The following LRP1B variants were observed in gnomAD, a reference collection of about 807,000 sequenced individuals.
LRP1B encodes low-density lipoprotein receptor-related protein 1B.
LRP1B carries 217 observed loss-of-function variants against 556.6 expected under a neutral mutation model. That is an observed-to-expected ratio of 0.39 (90% confidence interval 0.35 to 0.44). The LOEUF (loss-of-function observed/expected upper bound fraction) is 0.44, where lower values mean the gene tolerates loss of function less well. Among genes scored for constraint, LRP1B ranks in the 20% least tolerant of loss-of-function variants. The pLI is 1.00. For synonymous variants in LRP1B, 2,047 were observed against 1,865.8 expected, an observed-to-expected ratio of 1.10 and a Z score of -2.50; for missense variants, 5,053 against 5,620.8, an observed-to-expected ratio of 0.90 and a Z score of 3.23.
At chr2:141,567,612 ATGAGAAAT>A (rs1219731459) in intron 2 of LRP1B, among the ~76,000 whole-genome samples, 11 of 152,150 alleles carry the variant, frequency 7.2e-5, no homozygotes, top group African/African-American at 2.6e-4. Context: ...ATAAGAAAAG[ATGAGAAAT>A]TAGGTGATGA....
At chr2:140,638,743 T>G (rs910248905) in intron 41 of LRP1B, among the ~76,000 whole-genome samples, 2 of 151,944 alleles carry the variant, frequency 1.3e-5, no homozygotes, top group African/African-American at 4.8e-5. Flanking sequence ...TTATATGTAT[T>G]TGCATATATA....
At chr2:141,643,036 A>C (rs1201537068) in intron 2 of LRP1B, among the ~76,000 whole-genome samples, 7 of 152,146 alleles carry the variant, frequency 4.6e-5, no homozygotes, top group Non-Finnish European at 5.9e-5. Context: ...AATGTGATGA[A>C]AGAATACTGT....
intron 41 of LRP1B, among the ~76,000 whole-genome samples, chr2:140,620,654 G>T (rs1371419977): frequency 6.6e-6 from 1 of 151,900 alleles, no homozygotes; most frequent in Non-Finnish European, 1.5e-5. Flanking sequence ...TAAAGTAAGT[G>T]TAAAGATCTT....
chr2:141,629,224 G>A (rs1004838510), intron 2 of LRP1B, among the ~76,000 whole-genome samples: 15 of 152,216 alleles, frequency 9.9e-5, no homozygotes, highest in African/African-American at 3.6e-4. Flanking sequence ...TACTATAGTA[G>A]TCATTTCTAA....
At position 140,601,583 on chromosome 2, in the gene LRP1B, T is replaced by C. The variant is rs1176158717; in HGVS notation, c.6856A>G (p.Thr2286Ala). The change falls in exon 42 of 91, where the codon ACA becomes GCA. Residue 2286 changes from threonine (T) to alanine (A), a missense_variant. Thr to Ala is a moderately conservative substitution (Grantham distance 58, BLOSUM62 0). This residue lies in a region of LRP1B where 3,619 missense variants were observed against 3,931.9 expected (regional missense o/e 0.92). Coordinates refer to ENST00000389484, the MANE Select transcript of LRP1B (RefSeq NM_018557.3). ...YHRAWDTLYW[T>A]SSTTSSITRH... is the part of the protein sequence containing the mutation. ...GTGATGGATGAGGTGGTAGAGCTTG[T>C]CCAGTACAGTGTATCCCAGGCTCTG... The C allele has an allele frequency of 6.2e-7, 1 of 1,612,780 alleles. No homozygotes were observed. The highest frequency in any genetic ancestry group is 8.5e-7 in the Non-Finnish European group (1 of 1,179,208).
chr2:140,957,493 T>C (rs1695908676), intron 18 of LRP1B, among the ~76,000 whole-genome samples: 1 of 116,230 alleles, frequency 8.6e-6, no homozygotes, highest in Admixed American at 9.7e-5. Context: ...ACAATGAGAC[T>C]AAAAGAAGTG....
At chr2:141,052,947 C>A (rs979849351) in intron 10 of LRP1B, among the ~76,000 whole-genome samples, 3 of 151,990 alleles carry the variant, frequency 2.0e-5, no homozygotes, top group African/African-American at 7.2e-5. Context: ...CTTGTTGTTA[C>A]TTCTAATGGA....
intron 3 of LRP1B, among the ~76,000 whole-genome samples, chr2:141,380,731 G>A (rs1406312739): frequency 2.6e-5 from 4 of 152,226 alleles, no homozygotes; most frequent in Admixed American, 6.5e-5. Flanking sequence ...CCCGAGGAGA[G>A]AAGGAGCTGG....
intron 3 of LRP1B, among the ~76,000 whole-genome samples, chr2:141,434,045 C>T (rs1049033225): frequency 3.3e-5 from 5 of 151,608 alleles, no homozygotes; most frequent in Non-Finnish European, 7.4e-5. Flanking sequence ...TGGCTTTCAA[C>T]ATCATGACTG....
At chr2:141,999,564 A>G (rs1311439698) in intron 1 of LRP1B, among the ~76,000 whole-genome samples, 10 of 152,134 alleles carry the variant, frequency 6.6e-5, no homozygotes, top group Non-Finnish European at 1.5e-4. Flanking sequence ...GGCTTTAAGG[A>G]TAAAGCCACA....
chr2:141,357,044 T>TTTTTA (rs1262851377), intron 3 of LRP1B, among the ~76,000 whole-genome samples: 1 of 150,814 alleles, frequency 6.6e-6, no homozygotes, highest in African/African-American at 2.5e-5. Flanking sequence ...TTTTATTTTA[T>TTTTTA]TTTTATTTTA....
intron 4 of LRP1B, among the ~76,000 whole-genome samples, chr2:141,253,281 G>C (rs1021858191): frequency 6.6e-6 from 1 of 152,102 alleles, no homozygotes; most frequent in Non-Finnish European, 1.5e-5. Flanking sequence ...GAACTTTTGT[G>C]TGCAATTTTC....
At chr2:141,931,092 G>A (rs7597632) in intron 1 of LRP1B, among the ~76,000 whole-genome samples, 1 of 151,926 alleles carries the variant, frequency 6.6e-6, no homozygotes, top group South Asian at 2.1e-4. Context: ...AATATTATGT[G>A]TTAGAATACA....
At chr2:141,440,323 T>C (rs1371308230) in intron 3 of LRP1B, among the ~76,000 whole-genome samples, 1 of 152,234 alleles carries the variant, frequency 6.6e-6, no homozygotes, top group Admixed American at 6.5e-5. Flanking sequence ...TCCTGGAACC[T>C]CTGGAAGCCC....
chr2:140,624,957 G>C (rs528810102), intron 41 of LRP1B, among the ~76,000 whole-genome samples: 9 of 152,286 alleles, frequency 5.9e-5, no homozygotes, highest in Admixed American at 5.2e-4. Flanking sequence ...TCTGAAATGA[G>C]AATGTTTAGG....
At chr2:140,574,711 A>G (rs1681452671) in intron 43 of LRP1B, among the ~76,000 whole-genome samples, 1 of 152,184 alleles carries the variant, frequency 6.6e-6, no homozygotes, top group Non-Finnish European at 1.5e-5. Context: ...TATATAAATC[A>G]CTTCCTGGCA....
At chr2:141,762,611 A>C (rs1466476248) in intron 2 of LRP1B, among the ~76,000 whole-genome samples, 2 of 152,118 alleles carry the variant, frequency 1.3e-5, no homozygotes, top group African/African-American at 4.8e-5. Flanking sequence ...AGGATGTTGT[A>C]AGGGAGATAA....
intron 89 of LRP1B, among the ~76,000 whole-genome samples, chr2:140,235,507 G>GAACT (rs750173003): frequency 2.5e-4 from 38 of 150,978 alleles, no homozygotes; most frequent in Non-Finnish European, 4.5e-4. Flanking sequence ...AAACCTATTA[G>GAACT]AACTAGCTGT....
At chr2:141,642,013 C>G in intron 2 of LRP1B, among the ~76,000 whole-genome samples, 1 of 151,666 alleles carries the variant, frequency 6.6e-6, no homozygotes, top group Non-Finnish European at 1.5e-5. Flanking sequence ...ACAAAACCCC[C>G]CCCCAAAAAA....
Sources: allele counts gnomAD v4.1 joint callset (sites outside exome capture counted in the v4.1 genomes callset), GRCh38; gene constraint gnomAD v4.1.1; regional missense constraint gnomAD v4.1.1; transcripts MANE v1.5; gene names NCBI Gene and HGNC (gene_info 2026-07-23, HGNC 2026-07-21).